Variants in ADGRB3 observed in about 807,000 individuals in gnomAD.
The protein encoded by ADGRB3 is brain-specific angiogenesis inhibitor 3.
Under a neutral mutation model 193.4 loss-of-function variants are expected in ADGRB3, and 37 were observed. The observed-to-expected ratio is 0.19, with a 90% CI of 0.15 to 0.25. The LOEUF (loss-of-function observed/expected upper bound fraction) is 0.25, where lower values mean the gene tolerates loss of function less well. Ranked by LOEUF, ADGRB3 falls within the 10% of genes least tolerant of loss-of-function variation. The pLI is 1.00. For missense variants in ADGRB3, 1,637 were observed against 1,852.9 expected (o/e 0.88, Z 2.14); for synonymous variants, 690 against 644.2 (o/e 1.07, Z -1.08).
chr6:69,320,443 G>A (rs1371913692), intron 20 of ADGRB3, among the ~76,000 whole-genome samples: 1 of 151,416 alleles, frequency 6.6e-6, no homozygotes, highest in Non-Finnish European at 1.5e-5. Flanking sequence ...CTATCCATCA[G>A]TTCTTTTATC....
At chr6:68,867,411 A>G (rs1765326966) in intron 3 of ADGRB3, among the ~76,000 whole-genome samples, 1 of 152,198 alleles carries the variant, frequency 6.6e-6, no homozygotes, top group African/African-American at 2.4e-5. Context: ...CAGAGGATGT[A>G]TGGAAACACC....
chr6:68,741,006 AG>A (rs1765970242), intron 3 of ADGRB3, among the ~76,000 whole-genome samples: 1 of 152,200 alleles, frequency 6.6e-6, no homozygotes, highest in African/African-American at 2.4e-5. Context: ...AGGGAAAGGA[AG>A]CAGAAGAATA....
intron 20 of ADGRB3, among the ~76,000 whole-genome samples, chr6:69,247,611 A>T (rs955884778): frequency 5.3e-5 from 8 of 152,180 alleles, no homozygotes; most frequent in Non-Finnish European, 1.2e-4. Context: ...CATGTGATAC[A>T]TACCTCTATT....
At chr6:69,031,102 TTCTCTTCTCTTCTC>T (rs1298976580) in intron 13 of ADGRB3, among the ~76,000 whole-genome samples, 1,844 of 82,618 alleles carry the variant, frequency 0.022, 285 homozygotes, top group Non-Finnish European at 0.028. Flanking sequence ...TTCTCTTCTC[TTCTCTTCTCTTCTC>T]TCTCTTCTCT....
intron 3 of ADGRB3, among the ~76,000 whole-genome samples, chr6:68,921,033 G>T (rs913744912): frequency 1.3e-5 from 2 of 151,806 alleles, no homozygotes; most frequent in African/African-American, 2.4e-5. Flanking sequence ...AATTAAATTA[G>T]GATATCTCGA....
chr6:69,250,361 CTTTG>C (rs1163298208), intron 20 of ADGRB3, among the ~76,000 whole-genome samples: 4 of 151,698 alleles, frequency 2.6e-5, no homozygotes, highest in Admixed American at 6.6e-5. Flanking sequence ...CCACCTATTT[CTTTG>C]TTTAGAAATT....
intron 3 of ADGRB3, among the ~76,000 whole-genome samples, chr6:68,656,733 A>G (rs1768498077): frequency 6.6e-6 from 1 of 151,594 alleles, no homozygotes; most frequent in Non-Finnish European, 1.5e-5. Context: ...TATCACTGGA[A>G]GCAATGAGTT....
At chr6:68,975,403 G>A (rs1351816793) in intron 10 of ADGRB3, 63 bp downstream of exon 10, 62 of 1,240,084 alleles carry the variant, frequency 5.0e-5, no homozygotes, top group Middle Eastern at 1.9e-4. Context: ...CACTGTGTGA[G>A]AATTTAACCT....
At chr6:69,150,509 C>T (rs572638779) in intron 17 of ADGRB3, among the ~76,000 whole-genome samples, 1 of 152,122 alleles carries the variant, frequency 6.6e-6, no homozygotes, top group Non-Finnish European at 1.5e-5. Context: ...CAGGTCAGTG[C>T]CCTACATCCT....
chr6:69,094,540 A>T (rs572529407), intron 17 of ADGRB3, among the ~76,000 whole-genome samples: 32 of 152,308 alleles, frequency 2.1e-4, no homozygotes, highest in African/African-American at 7.2e-4. Context: ...CACCCAGAGG[A>T]TGAAAGATTG....
Position 68,667,326 on chromosome 6 carries a change from T to C in ADGRB3, c.757+27894T>C, listed in dbSNP as rs528471092. ...AATGTTATAGATTTAAGCAAAACCA[T>C]CAAAGCTACCTGGTGGTTTCACAGT... On this transcript the variant is annotated intron_variant, in intron 3 of 31. Transcript: ENST00000370598. Among the ~76,000 whole-genome samples, 6 of 151,988 alleles carry C rather than the reference T, an allele frequency of 3.9e-5. No homozygotes were observed. The East Asian group carries it at 1.2e-3, about 30-fold the overall frequency.
At chr6:69,373,300 C>T (rs576840974) in intron 30 of ADGRB3, among the ~76,000 whole-genome samples, 2 of 151,994 alleles carry the variant, frequency 1.3e-5, no homozygotes, top group Non-Finnish European at 2.9e-5. Flanking sequence ...AACGTGCTAA[C>T]TACTCCTAAT....
chr6:68,759,215 A>G (rs1006144352), intron 3 of ADGRB3, among the ~76,000 whole-genome samples: 10 of 152,140 alleles, frequency 6.6e-5, no homozygotes, highest in African/African-American at 1.9e-4. Flanking sequence ...TTATTATTAT[A>G]TAGAGTGTAT....
chr6:69,107,366 A>G (rs1433030649), intron 17 of ADGRB3, among the ~76,000 whole-genome samples: 1 of 152,246 alleles, frequency 6.6e-6, no homozygotes, highest in East Asian at 1.9e-4. Context: ...CACATTAGAT[A>G]TACACTAAAA....
intron 8 of ADGRB3, among the ~76,000 whole-genome samples, chr6:68,961,617 C>A (rs977064317): frequency 1.2e-4 from 19 of 152,184 alleles, no homozygotes; most frequent in African/African-American, 4.6e-4. Flanking sequence ...TTCTTCTAAA[C>A]TAAACTCTTG....
At chr6:69,349,492 G>A (rs1353116626) in intron 26 of ADGRB3, among the ~76,000 whole-genome samples, 3 of 152,028 alleles carry the variant, frequency 2.0e-5, no homozygotes, top group African/African-American at 7.2e-5. Context: ...TATCAGCAAA[G>A]TCATTTAATA....
chr6:69,099,669 C>T (rs980065149), intron 17 of ADGRB3, among the ~76,000 whole-genome samples: 8 of 152,296 alleles, frequency 5.3e-5, no homozygotes, highest in African/African-American at 1.9e-4. Context: ...TATAAACACT[C>T]TGAATACATT....
chr6:68,661,546 T>C (rs1182769489), intron 3 of ADGRB3, among the ~76,000 whole-genome samples: 4 of 26,032 alleles, frequency 1.5e-4, no homozygotes, highest in Middle Eastern at 0.013. Flanking sequence ...TACATATATA[T>C]ATATATATAT....
At chr6:68,768,480 C>T (rs542301662) in intron 3 of ADGRB3, among the ~76,000 whole-genome samples, 3 of 152,242 alleles carry the variant, frequency 2.0e-5, no homozygotes, top group African/African-American at 7.2e-5. Context: ...GGATAACAGG[C>T]TAGCCATATG....
Sources: gnomAD v4.1 joint callset for allele counts (sites outside exome capture counted in the v4.1 genomes callset) on GRCh38, gnomAD v4.1.1 for gene constraint, MANE v1.5 for transcripts, NCBI Gene and HGNC (gene_info 2026-07-23, HGNC 2026-07-21) for gene names.